DPY19L1: variants seen among roughly 807,000 people sequenced by gnomAD.
The protein encoded by DPY19L1 is dpy-19 like C-mannosyltransferase 1.
DPY19L1 carries 35 observed loss-of-function variants against 96.9 expected under a neutral mutation model. The ratio of observed to expected loss-of-function variants is 0.36; its 90% CI spans 0.28 to 0.48. The LOEUF (loss-of-function observed/expected upper bound fraction) is 0.48. Among genes scored for constraint, DPY19L1 ranks in the 20% least tolerant of loss-of-function variants. The pLI, the probability that DPY19L1 is intolerant of heterozygous loss-of-function variation, is 0.99. For missense variants in DPY19L1, 521 were observed against 777.9 expected, an observed-to-expected ratio of 0.67 and a Z score of 3.93; for synonymous variants, 205 against 252.6, an observed-to-expected ratio of 0.81 and a Z score of 1.79.
At chr7:34,959,556 C>A (rs1266045831) in intron 10 of DPY19L1, among the ~76,000 whole-genome samples, 1 of 151,996 alleles carries the variant, frequency 6.6e-6, no homozygotes, top group Non-Finnish European at 1.5e-5. Flanking sequence ...GAGTTCATGT[C>A]CTTTGCAGGG....
In DPY19L1 at chr7:34,931,438, A is replaced by T; in HGVS notation, c.*135T>A. The T allele has an allele frequency of 2.5e-6, 3 of 1,219,422 alleles. No homozygotes were observed. Among genetic ancestry groups the T allele is most frequent in the Non-Finnish European group, 3.3e-6 (3 of 922,892 alleles). The allele number at this position is 1,219,422 out of a possible 1,614,324, so 75.5% of individuals were successfully genotyped here. A position where few individuals can be genotyped will look rare whatever the true frequency, so the allele number is the denominator to read the frequency against. The stretch of plus-strand genomic sequence containing the variant: ...TTTTTATAATTAGAATGACATTCAA[A>T]TTGACCAAATAAAACGTTTTCTATT... On this transcript the variant is annotated 3_prime_UTR_variant, in exon 22 of 22. Coordinates refer to ENST00000638088, the MANE Select transcript of DPY19L1 (RefSeq NM_001366673.1).
intron 18 of DPY19L1, 48 bp downstream of exon 18, chr7:34,941,717 T>C (rs761697379): frequency 1.9e-6 from 3 of 1,584,090 alleles, no homozygotes; most frequent in East Asian, 2.2e-5. Flanking sequence ...CACTCAATAA[T>C]AAAGGCTAAA....
chr7:34,938,055 G>C lies in DPY19L1; in HGVS notation c.2029C>G (p.Leu677Val), dbSNP rs1208881844. The C allele has an allele frequency of 6.2e-7, 1 of 1,613,756 alleles. No individual in the cohort carries two copies. The highest frequency in any genetic ancestry group is 8.5e-7 in the Non-Finnish European group (1 of 1,179,934). ...TAATAGTTCACTTTTAACTTTATCA[G>C]TTCTCGCTTCACTTCTTCGGCTGCT... ...RKAAEEVKRE[L>V]IKLKVNYYIL... Residue 677 changes from leucine (L) to valine (V), a missense_variant, in exon 21 of 22, where the codon CTG becomes GTG. Transcript: ENST00000638088.
chr7:34,974,934 C>T (rs143060767), intron 7 of DPY19L1, among the ~76,000 whole-genome samples: 1 of 152,084 alleles, frequency 6.6e-6, no homozygotes, highest in Non-Finnish European at 1.5e-5. Context: ...TATTACTATT[C>T]TAATTGCCTT....
intron 15 of DPY19L1, among the ~76,000 whole-genome samples, chr7:34,947,374 T>C (rs557724103): frequency 3.9e-5 from 6 of 152,222 alleles, no homozygotes; most frequent in Non-Finnish European, 8.8e-5. Context: ...ATATGGTCTC[T>C]GATCATGCCT....
At chr7:35,033,953 C>T (rs1225668179) in intron 1 of DPY19L1, among the ~76,000 whole-genome samples, 1 of 152,002 alleles carries the variant, frequency 6.6e-6, no homozygotes, top group African/African-American at 2.4e-5. Context: ...CTGCAGTGCA[C>T]AGGAAAGCCC....
chr7:35,008,620 TGGTTTGAGGCTA>T, intron 6 of DPY19L1, among the ~76,000 whole-genome samples: 2 of 152,206 alleles, frequency 1.3e-5, no homozygotes, highest in Non-Finnish European at 2.9e-5. Context: ...TTGAAGCCAG[TGGTTTGAGGCTA>T]TAGTGCTCTG....
At chr7:35,020,737 C>T (rs533787004) in intron 1 of DPY19L1, among the ~76,000 whole-genome samples, 1 of 152,252 alleles carries the variant, frequency 6.6e-6, no homozygotes, top group African/African-American at 2.4e-5. Context: ...TTTGAGGAGT[C>T]TTGCTCTGTC....
rs1584193266 is a variant in DPY19L1 at position 34,930,964 on chromosome 7, T to C, written c.*609A>G. Reference sequence around the variant, plus strand: ...TTAAGGGAATTTCCTAACCACAAGGTCCAAGAGTTTGGATTAATAATGGGC... The same window carrying C: ...TTAAGGGAATTTCCTAACCACAAGGCCCAAGAGTTTGGATTAATAATGGGC... On this transcript the variant is annotated 3_prime_UTR_variant, in exon 22 of 22. Coordinates refer to ENST00000638088, the MANE Select transcript of DPY19L1 (RefSeq NM_001366673.1). 1 of 151,990 alleles carries C rather than the reference T, an allele frequency of 6.6e-6. No individual in the cohort carries two copies. The highest frequency in any genetic ancestry group is 1.5e-5 in the Non-Finnish European group (1 of 68,006). 9.4% of individuals were successfully genotyped at this position (151,990 alleles called of 1,614,324 possible). A position where few individuals can be genotyped will look rare whatever the true frequency, so the allele number is the denominator to read the frequency against.
chr7:35,022,843 C>T (rs2128681291), intron 1 of DPY19L1, among the ~76,000 whole-genome samples: 1 of 152,288 alleles, frequency 6.6e-6, no homozygotes, highest in Admixed American at 6.5e-5. Context: ...AGATTAGACA[C>T]CTGGTCTACA....
chr7:34,947,273 T>C (rs1464263628), intron 15 of DPY19L1, among the ~76,000 whole-genome samples: 1 of 152,154 alleles, frequency 6.6e-6, no homozygotes, highest in African/African-American at 2.4e-5. Context: ...ACTGCACAAA[T>C]CACTTAGGTA....
At position 34,930,775 on chromosome 7, in the gene DPY19L1, G is replaced by A. The variant is rs910273311; in HGVS notation, c.*798C>T. On this transcript the variant is annotated 3_prime_UTR_variant, in exon 22 of 22. Coordinates refer to ENST00000638088, the MANE Select transcript of DPY19L1 (RefSeq NM_001366673.1). ...AACATTTGAATAATGCTAAAAATGA[G>A]AAAAATACAGTTACCATTAATTTTT... 6.6e-6 allele frequency: 1 copy of A among 151,994 alleles called. No homozygotes were observed. The highest frequency in any genetic ancestry group is 2.4e-5 in the African/African-American group (1 of 41,388). The allele number at this position is 151,994 out of a possible 1,614,324, so 9.4% of individuals were successfully genotyped here.
intron 1 of DPY19L1, among the ~76,000 whole-genome samples, chr7:35,020,004 A>G (rs1232272235): frequency 6.6e-6 from 1 of 152,086 alleles, no homozygotes; most frequent in Non-Finnish European, 1.5e-5. Flanking sequence ...ACAAAGCACG[A>G]GCCTATTGTC....
intron 6 of DPY19L1, among the ~76,000 whole-genome samples, chr7:34,994,572 G>C (rs1342960740): frequency 1.3e-5 from 2 of 152,174 alleles, no homozygotes; most frequent in African/African-American, 4.8e-5. Flanking sequence ...TTGGGAGGCT[G>C]AGGCGGGCGG....
chr7:34,944,147 G>A (rs576791820), intron 16 of DPY19L1, among the ~76,000 whole-genome samples: 2 of 151,916 alleles, frequency 1.3e-5, no homozygotes, highest in African/African-American at 4.8e-5. Flanking sequence ...GGCAGATCAC[G>A]AGTTCATGAG....
intron 1 of DPY19L1, among the ~76,000 whole-genome samples, chr7:35,027,668 T>TAAAAAAAAAAGAAAAAAAAAAAAA (rs1786158489): frequency 1.4e-5 from 1 of 71,410 alleles, no homozygotes; most frequent in Non-Finnish European, 3.0e-5. Flanking sequence ...CCGTCTCTAC[T>TAAAAAAAAAAGAAAAAAAAAAAAA]AAAAAAAAAA....
chr7:35,003,375 G>A (rs1785477250), intron 6 of DPY19L1, among the ~76,000 whole-genome samples: 1 of 152,170 alleles, frequency 6.6e-6, no homozygotes, highest in Non-Finnish European at 1.5e-5. Context: ...ACCAAGTACT[G>A]ACTCATGCCC....
intron 3 of DPY19L1, among the ~76,000 whole-genome samples, chr7:35,015,133 C>T (rs1290504933): frequency 6.6e-6 from 1 of 152,138 alleles, no homozygotes; most frequent in Non-Finnish European, 1.5e-5. Context: ...CCCTAGGAAA[C>T]TATACCTTCC....
chr7:34,996,914 G>C (rs558862205), intron 6 of DPY19L1, among the ~76,000 whole-genome samples: 1 of 152,272 alleles, frequency 6.6e-6, no homozygotes, highest in East Asian at 1.9e-4. Flanking sequence ...AGACTGGTGG[G>C]GAGCAGAGCC....
Sources: allele counts gnomAD v4.1 joint callset (sites outside exome capture counted in the v4.1 genomes callset), GRCh38; gene constraint gnomAD v4.1.1; transcripts MANE v1.5; gene names NCBI Gene and HGNC (gene_info 2026-07-23, HGNC 2026-07-21).